Variants in MOV10 observed in about 807,000 individuals in gnomAD.
MOV10 encodes Mov10 RNA helicase.
A neutral mutation model predicts 108.4 loss-of-function variants in MOV10; 39 were observed. The observed-to-expected ratio is 0.36, with a 90% CI of 0.28 to 0.47. MOV10 has a LOEUF of 0.47. MOV10 is among the 20% of genes least tolerant of loss of function. The pLI is 1.00. For synonymous variants in MOV10, 490 were observed against 523.1 expected, an observed-to-expected ratio of 0.94 and a Z score of 0.86; for missense variants, 952 against 1,297.6, an observed-to-expected ratio of 0.73 and a Z score of 4.09.
rs561469039 is a variant in MOV10 at position 112,680,432 on chromosome 1, G to A, written c.137+5383G>A. Among the ~76,000 whole-genome samples the A allele has an allele frequency of 1.5e-3, 230 of 151,942 alleles. 2 individuals are homozygous for A. The highest frequency in any genetic ancestry group is 5.2e-3 in the African/African-American group (216 of 41,412). On this transcript the variant is annotated intron_variant, in intron 2 of 20. Transcript: ENST00000369645. The stretch of plus-strand genomic sequence containing the variant: ...AGCACTTTGGGAGGCAGAGGTGGGC[G>A]GATCACGAGGTCAGGAGATCGAGAC...
At position 112,691,751 on chromosome 1, in the gene MOV10, T is replaced by C; in HGVS notation, c.923T>C (p.Leu308Pro). 6.2e-7 allele frequency: 1 copy of C among 1,614,190 alleles called. No homozygotes were observed. The highest frequency in any genetic ancestry group is 8.5e-7 in the Non-Finnish European group (1 of 1,180,034). The change falls in exon 6 of 21, where the codon CTT (leucine) becomes CCT (proline). Residue 308 changes from leucine to proline, a missense_variant. Leu to Pro is a moderately conservative substitution (Grantham distance 98). Coordinates refer to ENST00000369645, the MANE Select transcript of MOV10 (RefSeq NM_001321324.2). The stretch of plus-strand genomic sequence containing the variant: ...CTCAGGCAGCTGCTCCCCATGCTTC[T>C]TCAGGGAACAAGTATCTTCACTGCC... ...PRLRQLLPML[L>P]QGTSIFTAPK...
Position 112,689,528 on chromosome 1 carries a change from C to T in MOV10, c.455C>T (p.Thr152Ile). The T allele has an allele frequency of 1.2e-6, 2 of 1,614,170 alleles. No individual in the cohort carries two copies. The highest frequency in any genetic ancestry group is 2.2e-5 in the East Asian group (1 of 44,882). The change falls in exon 4 of 21, where the codon ACC (threonine) becomes ATC (isoleucine). Residue 152 changes from threonine to isoleucine, a missense_variant. Physicochemically the swap from Thr to Ile is moderately conservative, Grantham distance 89 (BLOSUM62 -1). This residue lies in a region of MOV10 where 374 missense variants were observed against 468.6 expected (regional missense o/e 0.80). Transcript: ENST00000369645. ...RLDLNRKEVL[T>I]LRLRNGGTQS... is the part of the protein sequence containing the mutation. The stretch of plus-strand genomic sequence containing the variant: ...GATTTGAACCGCAAAGAGGTGCTGA[C>T]CCTGAGGCTTCGGAATGGCGGAACC...
At position 112,694,269 on chromosome 1, in the gene MOV10, G is replaced by A; in HGVS notation, c.1295+97G>A. On this transcript the variant is annotated intron_variant, in intron 8 of 20. Coordinates refer to ENST00000369645, the MANE Select transcript of MOV10 (RefSeq NM_001321324.2). This position sits in a 1 kb window ranked among gnomAD's most constrained non-coding sequence, Gnocchi z 4.1. ...TCTCCCTGAGATAAATGAGACCCCG[G>A]GGCAGAGCAGGAGACTTTTCCTCAG... 1 of 1,509,322 alleles carries A rather than the reference G, an allele frequency of 6.6e-7. No homozygotes were observed. The highest frequency in any genetic ancestry group is 2.3e-5 in the East Asian group (1 of 44,190). The allele number at this position is 1,509,322 out of a possible 1,614,324, so 93.5% of individuals were successfully genotyped here. A position where few individuals can be genotyped will look rare whatever the true frequency, so the allele number is the denominator to read the frequency against.
Position 112,694,352 on chromosome 1 carries a change from G to T in MOV10, c.1296-101G>T. 6.6e-7 allele frequency: 1 copy of T among 1,506,446 alleles called. No individual in the cohort carries two copies. The highest frequency in any genetic ancestry group is 9.1e-7 in the Non-Finnish European group (1 of 1,095,496). 93.3% of individuals were successfully genotyped at this position (1,506,446 alleles called of 1,614,324 possible). ...TCTAGAGAACTTGCATAGAGGTCTT[G>T]GAAAGAGGGGTTGGGACACTGGTTG... On this transcript the variant is annotated intron_variant, in intron 8 of 20. Coordinates refer to ENST00000369645, the MANE Select transcript of MOV10 (RefSeq NM_001321324.2). The surrounding 1 kb of genome is among the most constrained non-coding windows in gnomAD (Gnocchi z 4.1).
intron 4 of MOV10, 28 bp from the exon 5 acceptor site, chr1:112,689,812 C>A (rs759012200): frequency 1.2e-6 from 2 of 1,608,076 alleles, no homozygotes; most frequent in Admixed American, 3.3e-5. Context: ...GGGTCCCTAC[C>A]CCCATTCACT....
At chr1:112,692,253 G>C (rs1673649606) in intron 6 of MOV10, among the ~76,000 whole-genome samples, 1 of 152,166 alleles carries the variant, frequency 6.6e-6, no homozygotes, top group Non-Finnish European at 1.5e-5. Flanking sequence ...AATTTCTTGA[G>C]CCCAGGAGGT....
At chr1:112,679,356 C>T (rs1456924400) in intron 2 of MOV10, among the ~76,000 whole-genome samples, 1 of 152,076 alleles carries the variant, frequency 6.6e-6, no homozygotes, top group Non-Finnish European at 1.5e-5. Flanking sequence ...ATTTCTTTTT[C>T]TCTAAAATGG....
At chr1:112,688,324 C>A in intron 2 of MOV10, 1 of 989,292 alleles carries the variant, frequency 1.0e-6, no homozygotes, top group South Asian at 4.6e-5. Context: ...TTCACCTTCT[C>A]TAGGCACAAA....
intron 14 of MOV10, among the ~76,000 whole-genome samples, chr1:112,697,538 T>G (rs1674217214): frequency 6.6e-6 from 1 of 152,180 alleles, no homozygotes; most frequent in Non-Finnish European, 1.5e-5. Context: ...ATTAAAGAGC[T>G]GTATACTTTT....
chr1:112,695,904 T>C (rs984288686), intron 11 of MOV10, among the ~76,000 whole-genome samples: 1 of 151,958 alleles, frequency 6.6e-6, no homozygotes, highest in African/African-American at 2.4e-5. Context: ...CAGCTGAGTA[T>C]GGTGGCGCGT....
At chr1:112,689,387 A>ACC (rs3833533) in intron 3 of MOV10, 28 bp from the exon 4 acceptor site, 1 of 980,450 alleles carries the variant, frequency 1.0e-6, no homozygotes, top group Non-Finnish European at 1.6e-6. Flanking sequence ...TCCCACCCCA[A>ACC]CCCCCCCTTG....
chr1:112,689,377 T>TTG, intron 3 of MOV10, 38 bp from the exon 4 acceptor site: 4 of 792,810 alleles, frequency 5.0e-6, no homozygotes, highest in Non-Finnish European at 9.0e-6. Flanking sequence ...GTCAGACCGC[T>TTG]CCCACCCCAA....
chr1:112,688,841 A>C (rs1673298666), intron 2 of MOV10, 94 bp from the exon 3 acceptor site: 2 of 1,539,450 alleles, frequency 1.3e-6, no homozygotes, highest in Non-Finnish European at 1.8e-6. Flanking sequence ...TGTGTCCAGC[A>C]CAGAGTGACC....
At chr1:112,697,841 T>C in intron 14 of MOV10, 153 bp from the exon 15 acceptor site, 1 of 686,052 alleles carries the variant, frequency 1.5e-6, no homozygotes. Flanking sequence ...TTACAGTGCC[T>C]GGCAGCAGAT....
At chr1:112,679,040 A>G (rs1672423081) in intron 2 of MOV10, among the ~76,000 whole-genome samples, 1 of 152,058 alleles carries the variant, frequency 6.6e-6, no homozygotes, top group South Asian at 2.1e-4. Context: ...TGACCCGCTA[A>G]TGGGAGTTGG....
Position 112,700,306 on chromosome 1 carries a change from G to T in MOV10, c.2886G>T (p.Leu962=), listed in dbSNP as rs1196941975. 6.2e-7 allele frequency: 1 copy of T among 1,614,240 alleles called. No homozygotes were observed. Among genetic ancestry groups the T allele is most frequent in the East Asian group, 2.2e-5 (1 of 44,882 alleles). The change falls in exon 20 of 21, where the codon CTG becomes CTT. Residue 962 remains leucine, a synonymous_variant. Coordinates refer to ENST00000369645, the MANE Select transcript of MOV10 (RefSeq NM_001321324.2). ...KLDLQQGQNL[L]QGLSKLSPST... Reference sequence around the variant, plus strand: ...ACCTGCAACAGGGACAGAATTTACTGCAAGGTCTGAGCAAGCTCAGCCCCT... The same window carrying T: ...ACCTGCAACAGGGACAGAATTTACTTCAAGGTCTGAGCAAGCTCAGCCCCT...
At chr1:112,691,607 G>A (rs891885049) in intron 5 of MOV10, 58 bp from the exon 6 acceptor site, 5 of 1,583,772 alleles carry the variant, frequency 3.2e-6, no homozygotes, top group Non-Finnish European at 3.4e-6. Flanking sequence ...CCAGAGGGGC[G>A]TTCTCAGAGT....
intron 2 of MOV10, among the ~76,000 whole-genome samples, chr1:112,687,379 G>A (rs550691676): frequency 1.3e-5 from 2 of 152,296 alleles, no homozygotes; most frequent in African/African-American, 4.8e-5. Context: ...ATACCCTAGT[G>A]AGTGACCATG....
At chr1:112,699,411 C>A in intron 17 of MOV10, 1 of 1,237,548 alleles carries the variant, frequency 8.1e-7, no homozygotes, top group Non-Finnish European at 1.0e-6. Flanking sequence ...TTGAAAGTCA[C>A]TGCTCTGAGT....
Sources: gnomAD v4.1 joint callset for allele counts (sites outside exome capture counted in the v4.1 genomes callset) on GRCh38, gnomAD v4.1.1 for gene constraint, gnomAD v4.1.1 regional missense constraint, Gnocchi (gnomAD v3.1) non-coding constraint, MANE v1.5 for transcripts, NCBI Gene and HGNC (gene_info 2026-07-23, HGNC 2026-07-21) for gene names.